The following EIF3CL variants were observed in gnomAD, a reference collection of about 807,000 sequenced individuals.
EIF3CL encodes eukaryotic translation initiation factor 3 subunit C-like protein.
For missense variants in EIF3CL, 5 were observed against 56.1 expected, an observed-to-expected ratio of 0.09 and a Z score of 2.91; for synonymous variants, 2 against 19.6, an observed-to-expected ratio of 0.10 and a Z score of 2.37.
At chr16:28,402,297 G>A (rs1327582769) in intron 2 of EIF3CL, among the ~76,000 whole-genome samples, 5 of 138,366 alleles carry the variant, frequency 3.6e-5, no homozygotes, top group Non-Finnish European at 7.7e-5. Context: ...TTATTTTAGC[G>A]GTGTTTTTTG....
At chr16:28,417,974 T>G in the EIF3CL span, among the ~76,000 whole-genome samples, 3 of 125,876 alleles carry the variant, frequency 2.4e-5, no homozygotes, top group Non-Finnish European at 1.7e-5. Flanking sequence ...ACCAAGGAGG[T>G]GGAGGTTGCA....
the EIF3CL span, among the ~76,000 whole-genome samples, chr16:28,418,953 A>C: frequency 6.8e-6 from 1 of 148,048 alleles, no homozygotes; most frequent in Non-Finnish European, 1.5e-5. Context: ...TGAGGGTGGC[A>C]CTAGTCTCTG....
chr16:28,382,138 A>G (rs2045579831), intron 16 of EIF3CL, among the ~76,000 whole-genome samples: 1 of 48,034 alleles, frequency 2.1e-5, no homozygotes, highest in Non-Finnish European at 5.2e-5. Flanking sequence ...TGAACCCAGG[A>G]GGTGGAGGTT....
intron 8 of EIF3CL, among the ~76,000 whole-genome samples, chr16:28,396,654 C>A (rs1596598299): frequency 1.4e-5 from 1 of 73,286 alleles, no homozygotes; most frequent in Non-Finnish European, 3.4e-5. Flanking sequence ...GGCGACAGTG[C>A]AAGACTCTGT....
chr16:28,406,216 ATGTAT>A (rs1487773836), upstream of EIF3CL, among the ~76,000 whole-genome samples: 5 of 35,346 alleles, frequency 1.4e-4, no homozygotes, highest in Non-Finnish European at 1.6e-4. Flanking sequence ...ATATAGATAG[ATGTAT>A]TGTATGTGTG....
chr16:28,418,159 A>G, the EIF3CL span, among the ~76,000 whole-genome samples: 3 of 149,420 alleles, frequency 2.0e-5, no homozygotes, highest in African/African-American at 7.4e-5. Context: ...TGGTGCCTTA[A>G]CTGAGTCTTT....
the EIF3CL span, among the ~76,000 whole-genome samples, chr16:28,421,767 G>T: frequency 1.7e-5 from 2 of 121,146 alleles, no homozygotes; most frequent in Non-Finnish European, 3.6e-5. Flanking sequence ...AGCTGAGATG[G>T]TGCCACTGCA....
At chr16:28,423,984 G>T in the EIF3CL span, among the ~76,000 whole-genome samples, 1 of 82,018 alleles carries the variant, frequency 1.2e-5, no homozygotes. Context: ...ACCACACCTG[G>T]CTAATTTTTT....
chr16:28,414,901 A>T, the EIF3CL span: 1 of 517,744 alleles, frequency 1.9e-6, no homozygotes, highest in Admixed American at 2.1e-5. Context: ...CAGTGTATCG[A>T]CGCCGGCCTC....
At chr16:28,403,020 T>TA (rs34279997) in intron 2 of EIF3CL, among the ~76,000 whole-genome samples, 39,925 of 115,758 alleles carry the variant, frequency 0.34, 7,271 homozygotes, top group Admixed American at 0.41. Flanking sequence ...TTCCAAAGGG[T>TA]AAAAAAAAAA....
chr16:28,403,140 A>G (rs1275598887), intron 2 of EIF3CL, among the ~76,000 whole-genome samples: 2 of 139,540 alleles, frequency 1.4e-5, no homozygotes, highest in Non-Finnish European at 3.2e-5. Flanking sequence ...GAGTCGCATC[A>G]GGGGGCTCCC....
the EIF3CL span, chr16:28,414,711 G>A: frequency 1.9e-4 from 68 of 367,318 alleles, 8 homozygotes; most frequent in Admixed American, 1.1e-3. Context: ...CAAGCTGCGC[G>A]TCTAGAAAGC....
the EIF3CL span, among the ~76,000 whole-genome samples, chr16:28,419,344 G>A: frequency 4.7e-5 from 7 of 150,534 alleles, no homozygotes; most frequent in Non-Finnish European, 7.4e-5. Context: ...GAAGTTACAG[G>A]GACTTTCCCT....
chr16:28,415,395 G>A, the EIF3CL span, among the ~76,000 whole-genome samples: 20 of 125,462 alleles, frequency 1.6e-4, no homozygotes, highest in East Asian at 4.1e-3. Flanking sequence ...TTCATCTGCT[G>A]TCTGTGTCTT....
At chr16:28,408,206 A>C (rs2045688097), upstream of EIF3CL, among the ~76,000 whole-genome samples, 1 of 5,570 alleles carries the variant, frequency 1.8e-4, no homozygotes, top group Non-Finnish European at 9.1e-4. Flanking sequence ...CTTGTCGCCA[A>C]AAAAAAAAAA....
chr16:28,424,205 G>T, the EIF3CL span, among the ~76,000 whole-genome samples: 1 of 108,468 alleles, frequency 9.2e-6, no homozygotes, highest in Non-Finnish European at 1.9e-5. Flanking sequence ...AGCCAGGATG[G>T]TCTCGATCTC....
At chr16:28,417,779 TC>T in the EIF3CL span, among the ~76,000 whole-genome samples, 1 of 108,538 alleles carries the variant, frequency 9.2e-6, no homozygotes, top group South Asian at 2.8e-4. Context: ...CCCTGCCAAA[TC>T]CCCCTCTGTG....
the EIF3CL span, among the ~76,000 whole-genome samples, chr16:28,416,758 G>A: frequency 8.6e-6 from 1 of 116,048 alleles, no homozygotes; most frequent in Non-Finnish European, 1.9e-5. Flanking sequence ...GGGAGGTGGG[G>A]GGGGTCAGCC....
At chr16:28,424,019 A>C in the EIF3CL span, among the ~76,000 whole-genome samples, 3 of 59,856 alleles carry the variant, frequency 5.0e-5, no homozygotes, top group Non-Finnish European at 3.4e-5. Context: ...ATGGAGTCTC[A>C]CTCTGTTGCC....
Sources: gnomAD v4.1 joint callset for allele counts (sites outside exome capture counted in the v4.1 genomes callset) on GRCh38, gnomAD v4.1.1 for gene constraint, MANE v1.5 for transcripts, NCBI Gene and HGNC (gene_info 2026-07-23, HGNC 2026-07-21) for gene names.